Variants in FYB2 observed in about 807,000 individuals in gnomAD.
FYB2 encodes the protein FYN binding protein 2, also known as FYN-binding protein 2.
Under a neutral mutation model 94.1 loss-of-function variants are expected in FYB2, and 103 were observed. That is an observed-to-expected ratio of 1.09 (90% confidence interval 0.93 to 1.29). The LOEUF (loss-of-function observed/expected upper bound fraction) is 1.29, where lower values mean the gene tolerates loss of function less well. FYB2 is among the 50% of genes most tolerant of loss of function. The pLI, the probability that FYB2 is intolerant of heterozygous loss-of-function variation, is 0.00. For synonymous variants in FYB2, 293 were observed against 287.9 expected (o/e 1.02, Z -0.18); for missense variants, 896 against 841.5 (o/e 1.06, Z -0.80).
At chr1:56,788,219 G>A (rs112139461) in intron 3 of FYB2, among the ~76,000 whole-genome samples, 9 of 152,214 alleles carry the variant, frequency 5.9e-5, no homozygotes, top group African/African-American at 2.2e-4. Context: ...GCCCAAAGCA[G>A]TTAAAATGAA....
intron 4 of FYB2, among the ~76,000 whole-genome samples, chr1:56,774,174 A>T (rs1645823419): frequency 6.6e-6 from 1 of 152,164 alleles, no homozygotes; most frequent in Non-Finnish European, 1.5e-5. Flanking sequence ...GTTAGAGATG[A>T]ACAATCAATG....
chr1:56,769,078 A>G (rs1645693746), intron 4 of FYB2, among the ~76,000 whole-genome samples: 2 of 152,082 alleles, frequency 1.3e-5, no homozygotes, highest in African/African-American at 4.8e-5. Flanking sequence ...TCATCCTGTC[A>G]CCCAGGCTGG....
upstream of FYB2, among the ~76,000 whole-genome samples, chr1:56,823,241 T>A (rs993936690): frequency 1.3e-5 from 2 of 152,048 alleles, no homozygotes; most frequent in African/African-American, 2.4e-5. Context: ...CCTGCCCTAA[T>A]CCATTGCTCT....
upstream of FYB2, among the ~76,000 whole-genome samples, chr1:56,820,126 G>A (rs995881500): frequency 1.3e-5 from 2 of 151,854 alleles, no homozygotes; most frequent in Non-Finnish European, 2.9e-5. Context: ...AGCTACTTGG[G>A]AGGCTGAGGC....
At chr1:56,810,777 T>G (rs1646749940) in intron 1 of FYB2, among the ~76,000 whole-genome samples, 1 of 152,092 alleles carries the variant, frequency 6.6e-6, no homozygotes, top group Admixed American at 6.6e-5. Flanking sequence ...TTAACAGAGA[T>G]TTTTCTTTGG....
At chr1:56,753,118 C>T (rs559737928) in intron 8 of FYB2, among the ~76,000 whole-genome samples, 1 of 152,182 alleles carries the variant, frequency 6.6e-6, no homozygotes, top group Admixed American at 6.5e-5. Flanking sequence ...ACTTACCCTA[C>T]TTCTGCAGAT....
At chr1:56,727,620 CAT>C (rs1644611144) in intron 15 of FYB2, among the ~76,000 whole-genome samples, 1 of 151,934 alleles carries the variant, frequency 6.6e-6, no homozygotes, top group South Asian at 2.1e-4. Flanking sequence ...ATATTTGTAT[CAT>C]ATGTTTGTTA....
At chr1:56,754,895 T>C (rs1049124783) in intron 7 of FYB2, among the ~76,000 whole-genome samples, 3 of 152,076 alleles carry the variant, frequency 2.0e-5, no homozygotes, top group African/African-American at 7.2e-5. Flanking sequence ...ACCAGCACTG[T>C]GTTAGTGCTA....
intron 1 of FYB2, among the ~76,000 whole-genome samples, chr1:56,800,911 G>A (rs970234284): frequency 3.3e-5 from 5 of 152,134 alleles, no homozygotes; most frequent in African/African-American, 1.2e-4. Flanking sequence ...CATCCTGAGT[G>A]GTAGGCGATA....
chr1:56,762,547 A>T (rs2100776581), intron 5 of FYB2, among the ~76,000 whole-genome samples: 1 of 152,326 alleles, frequency 6.6e-6, no homozygotes, highest in Non-Finnish European at 1.5e-5. Flanking sequence ...ATATACAGAA[A>T]TATAATTGAT....
At chr1:56,806,718 G>T (rs1323479283) in intron 1 of FYB2, among the ~76,000 whole-genome samples, 1 of 152,118 alleles carries the variant, frequency 6.6e-6, no homozygotes, top group African/African-American at 2.4e-5. Context: ...AACAAATGGG[G>T]TTTATGATGT....
intron 7 of FYB2, among the ~76,000 whole-genome samples, 160 bp downstream of exon 7, chr1:56,755,736 T>C (rs1487384195): frequency 6.6e-6 from 1 of 152,054 alleles, no homozygotes; most frequent in Non-Finnish European, 1.5e-5. Flanking sequence ...GGCAGGATCA[T>C]GGATCACTTC....
At chr1:56,782,522 A>G (rs929723088) in intron 4 of FYB2, among the ~76,000 whole-genome samples, 13 of 151,982 alleles carry the variant, frequency 8.6e-5, no homozygotes, top group Non-Finnish European at 1.3e-4. Context: ...CCTAGAAGAC[A>G]TTGTGTTTCC....
intron 1 of FYB2, among the ~76,000 whole-genome samples, chr1:56,801,056 G>C (rs557674463): frequency 6.6e-6 from 1 of 151,990 alleles, no homozygotes; most frequent in Non-Finnish European, 1.5e-5. Context: ...CTATAGTATC[G>C]CCAATTGAAT....
intron 9 of FYB2, among the ~76,000 whole-genome samples, chr1:56,750,353 G>A (rs1645166895): frequency 6.6e-6 from 1 of 151,940 alleles, no homozygotes; most frequent in Non-Finnish European, 1.5e-5. Context: ...CTTTATTCCA[G>A]ATCCTATGAC....
At chr1:56,776,289 G>A (rs1319923939) in intron 4 of FYB2, among the ~76,000 whole-genome samples, 1 of 152,048 alleles carries the variant, frequency 6.6e-6, no homozygotes. Flanking sequence ...ATTTATATGG[G>A]GAAAATGTTA....
intron 9 of FYB2, among the ~76,000 whole-genome samples, chr1:56,748,041 A>T (rs539385352): frequency 1.7e-3 from 265 of 152,280 alleles, no homozygotes; most frequent in African/African-American, 6.0e-3. Flanking sequence ...GGCTACATAA[A>T]TGTCTTCTTT....
At chr1:56,793,134 T>C (rs1277082553) in intron 1 of FYB2, among the ~76,000 whole-genome samples, 3 of 152,124 alleles carry the variant, frequency 2.0e-5, no homozygotes, top group African/African-American at 4.8e-5. Context: ...TTTTGATGGC[T>C]CCCCACAACC....
At chr1:56,725,614 A>G (rs1304457980) in intron 16 of FYB2, among the ~76,000 whole-genome samples, 1 of 152,080 alleles carries the variant, frequency 6.6e-6, no homozygotes, top group East Asian at 1.9e-4. Context: ...AAAAGTATGA[A>G]GTTTAAGATA....
Sources: allele counts gnomAD v4.1 joint callset (sites outside exome capture counted in the v4.1 genomes callset), GRCh38; gene constraint gnomAD v4.1.1; transcripts MANE v1.5; gene names NCBI Gene and HGNC (gene_info 2026-07-23, HGNC 2026-07-21).